LRRC56: variants seen among roughly 807,000 people sequenced by gnomAD.
The protein encoded by LRRC56 is leucine rich repeat containing 56.
In LRRC56, 41 loss-of-function variants were observed where a neutral mutation model predicts 47.8. That is an observed-to-expected ratio of 0.86 (90% CI 0.67 to 1.11). The LOEUF is 1.11. LRRC56 is among the 50% of genes most tolerant of loss of function. The pLI, the probability that LRRC56 is intolerant of heterozygous loss-of-function variation, is 0.00. For synonymous variants in LRRC56, 387 were observed against 311.2 expected, an observed-to-expected ratio of 1.24 and a Z score of -2.56; for missense variants, 759 against 704.2, an observed-to-expected ratio of 1.08 and a Z score of -0.88.
chr11:547,657 C>T (rs1852159433), intron 6 of LRRC56, among the ~76,000 whole-genome samples: 1 of 151,732 alleles, frequency 6.6e-6, no homozygotes. Context: ...CGGCCAGAAG[C>T]CTCTATTGTT....
chr11:552,570 C>T lies in LRRC56; in HGVS notation c.1183C>T (p.Pro395Ser), dbSNP rs552097342. The T allele has an allele frequency of 5.6e-6, 9 of 1,600,508 alleles. No individual in the cohort carries two copies. Among genetic ancestry groups the T allele is most frequent in the South Asian group, 2.2e-5 (2 of 89,568 alleles). ...CTTCTCCTCCTCTCCCCACCCTAGC[C>T]CCCTCCCCTATAGGCACCCGGAGTC... ...LRAWREHGVR[P>S]LPYRHPESQQ... The change falls in exon 13 of 14, where the codon CCC becomes TCC. Residue 395 changes from proline to serine, a missense_variant and splice_region_variant. Pro to Ser is a moderately conservative substitution (Grantham distance 74). Coordinates refer to ENST00000270115, the MANE Select transcript of LRRC56 (RefSeq NM_198075.4).
rs773844710 is a variant in LRRC56, at chr11:550,205, G to A, written c.557G>A (p.Arg186His). ...GTGCGCTACTTGCAGCTGTGCCCACGCCTGGCCATGCTCACCCTGGAGGGC... is the reference window on the plus strand; with the variant it reads ...GTGCGCTACTTGCAGCTGTGCCCACACCTGGCCATGCTCACCCTGGAGGGC... ...GQVRYLQLCP[R>H]LAMLTLEGNL... Residue 186 changes from arginine (R) to histidine (H), a missense_variant, in exon 8 of 14, where the codon CGC (arginine) becomes CAC (histidine). Arg to His is a conservative substitution (Grantham distance 29). Transcript: ENST00000270115. 28 of 1,612,380 alleles carry A rather than the reference G, an allele frequency of 1.7e-5. No homozygotes were observed. The highest frequency in any genetic ancestry group is 5.5e-5 in the South Asian group (5 of 91,038).
chr11:525,710 A>G, the LRRC56 span, among the ~76,000 whole-genome samples: 1 of 151,626 alleles, frequency 6.6e-6, no homozygotes, highest in Non-Finnish European at 1.5e-5. Flanking sequence ...AGCCTGGCCA[A>G]CATAGTGAGA....
At chr11:553,928 C>T (rs765026136) in intron 13 of LRRC56, 35 bp from the exon 14 acceptor site, 8 of 1,592,954 alleles carry the variant, frequency 5.0e-6, no homozygotes, top group South Asian at 2.3e-5. Flanking sequence ...CCCTGACAGC[C>T]TTTCTGACGT....
the LRRC56 span, among the ~76,000 whole-genome samples, chr11:516,972 G>A: frequency 2.0e-5 from 3 of 152,114 alleles, no homozygotes; most frequent in Non-Finnish European, 4.4e-5. Context: ...GCCTCGGCCT[G>A]CCAAGTGCCT....
chr11:534,670 C>A, upstream of LRRC56: 1 of 393,136 alleles, frequency 2.5e-6, no homozygotes, highest in Non-Finnish European at 4.7e-6. Context: ...GCTGCTGGGT[C>A]GGCAGAAAGG....
At chr11:552,052 G>C (rs368301762) in intron 11 of LRRC56, 38 bp from the exon 12 acceptor site, 67 of 1,604,470 alleles carry the variant, frequency 4.2e-5, no homozygotes, top group Non-Finnish European at 5.3e-5. Flanking sequence ...CGCCATTCCA[G>C]GGCCAGAATC....
chr11:517,836 C>T, the LRRC56 span, among the ~76,000 whole-genome samples: 1 of 152,226 alleles, frequency 6.6e-6, no homozygotes, highest in African/African-American at 2.4e-5. Context: ...AAAAATTCTT[C>T]TGTCTTGGGA....
chr11:532,325 G>A, the LRRC56 span: 59 of 514,232 alleles, frequency 1.1e-4, no homozygotes, highest in Admixed American at 6.5e-4. Context: ...TAAGGGCTGG[G>A]GTTCCGGTGG....
the LRRC56 span, among the ~76,000 whole-genome samples, chr11:513,385 C>T: frequency 6.6e-6 from 1 of 152,152 alleles, no homozygotes; most frequent in Admixed American, 6.6e-5. Flanking sequence ...CTCCTGGCCT[C>T]AAGTGATCTG....
the LRRC56 span, among the ~76,000 whole-genome samples, chr11:522,066 A>G: frequency 2.5e-4 from 38 of 152,284 alleles, no homozygotes; most frequent in Middle Eastern, 3.4e-3. Context: ...ATTAAATGCA[A>G]ATGGTCCAAG....
the LRRC56 span, among the ~76,000 whole-genome samples, chr11:524,571 T>C: frequency 1.3e-5 from 2 of 151,478 alleles, no homozygotes; most frequent in East Asian, 2.0e-4. Context: ...GCGGAGGTTG[T>C]AGTAAGCCGA....
At chr11:542,754 T>C (rs996362265) in intron 5 of LRRC56, among the ~76,000 whole-genome samples, 2 of 152,112 alleles carry the variant, frequency 1.3e-5, no homozygotes, top group Non-Finnish European at 2.9e-5. Context: ...CACCCCTTTA[T>C]CTACTGACAC....
the LRRC56 span, among the ~76,000 whole-genome samples, chr11:518,705 T>TG: frequency 6.6e-6 from 1 of 151,932 alleles, no homozygotes. Flanking sequence ...CACCAGCAGG[T>TG]GGGGCAGGAA....
At chr11:526,666 GT>G in the LRRC56 span, among the ~76,000 whole-genome samples, 1 of 152,236 alleles carries the variant, frequency 6.6e-6, no homozygotes, top group Admixed American at 6.5e-5. Flanking sequence ...GCCGGGCACG[GT>G]GGCTCATGCC....
chr11:538,489 C>T (rs925689107), intron 1 of LRRC56, 109 bp from the exon 2 acceptor site: 1 of 152,270 alleles, frequency 6.6e-6, no homozygotes, highest in Non-Finnish European at 1.5e-5. Context: ...TTGGGCTTCA[C>T]TTCTTTGATC....
chr11:548,605 C>G (rs12574053), intron 6 of LRRC56, among the ~76,000 whole-genome samples: 91,334 of 151,282 alleles, frequency 0.6, 28,403 homozygotes, highest in East Asian at 0.82. Context: ...CTACAGGCAC[C>G]CGCCACCACG....
chr11:544,740 G>A lies in LRRC56; in HGVS notation c.286G>A (p.Asp96Asn), dbSNP rs776703276. The A allele has an allele frequency of 5.0e-6, 8 of 1,612,432 alleles. No individual in the cohort carries two copies. In the Admixed American group the frequency reaches 1.2e-4, roughly 24 times the overall value. ...GNFGVHLPNL[D>N]QLKLNGSHLG... ...TACAGGGGTGCACCTGCCCAACCTG[G>A]ACCAACTGAAGCTGAACGGCAGCCA... Residue 96 changes from aspartate (D) to asparagine (N), a missense_variant, in exon 6 of 14, where the codon GAC (aspartate) becomes AAC (asparagine). Physicochemically the swap from Asp to Asn is conservative, Grantham distance 23. Transcript: ENST00000270115.
the LRRC56 span, among the ~76,000 whole-genome samples, chr11:515,813 G>A: frequency 6.6e-6 from 1 of 152,276 alleles, no homozygotes; most frequent in African/African-American, 2.4e-5. Context: ...CCTCCAACCT[G>A]GGCGAGAGAG....
Sources: allele counts gnomAD v4.1 joint callset (sites outside exome capture counted in the v4.1 genomes callset), GRCh38; gene constraint gnomAD v4.1.1; transcripts MANE v1.5; gene names NCBI Gene and HGNC (gene_info 2026-07-23, HGNC 2026-07-21).